The following KIF4A variants were observed in gnomAD, a reference collection of about 807,000 sequenced individuals.
The protein encoded by KIF4A is kinesin family member 4A.
Under a neutral mutation model 105.9 loss-of-function variants are expected in KIF4A, and 7 were observed. The observed-to-expected ratio is 0.07, with a 90% CI of 0.04 to 0.12. The LOEUF (loss-of-function observed/expected upper bound fraction) is 0.12, where lower values mean the gene tolerates loss of function less well. Ranked by LOEUF, KIF4A falls within the 10% of genes least tolerant of loss-of-function variation. KIF4A has a pLI of 1.00. For missense variants in KIF4A, 558 were observed against 929.2 expected (o/e 0.60, Z 5.19); for synonymous variants, 281 against 331.3 (o/e 0.85, Z 1.65).
intron 22 of KIF4A, 107 bp downstream of exon 22, chrX:70,396,156 G>A: frequency 1.5e-5 from 8 of 537,253 alleles, no homozygotes; most frequent in Non-Finnish European, 2.3e-5. Flanking sequence ...AAAAACACGA[G>A]AAAATAACAA....
chrX:70,313,719 TG>T (rs1193009020), intron 7 of KIF4A, among the ~76,000 whole-genome samples: 1 of 112,576 alleles, frequency 8.9e-6, no homozygotes, highest in African/African-American at 3.2e-5. Context: ...TTGTGGTTTC[TG>T]ATCCACCAGT....
At chrX:70,412,139 AACT>A (rs1013019631) in intron 28 of KIF4A, among the ~76,000 whole-genome samples, 1 of 111,789 alleles carries the variant, frequency 8.9e-6, no homozygotes, top group Non-Finnish European at 1.9e-5. Flanking sequence ...GCATTCACGC[AACT>A]ACATCTGTCA....
chrX:70,344,904 G>A (rs189408409), intron 13 of KIF4A, among the ~76,000 whole-genome samples: 13 of 111,892 alleles, frequency 1.2e-4, no homozygotes, highest in Admixed American at 3.8e-4. Context: ...TTGTTATGAT[G>A]GCCAGCTCTA....
At position 70,420,198 on chromosome X, in the gene KIF4A, A is replaced by G. The variant is rs752008919; in HGVS notation, c.3632A>G (p.Lys1211Arg). Residue 1211 changes from lysine to arginine, a missense_variant, in exon 31 of 31, where the codon AAA becomes AGA. Lys to Arg is a conservative substitution (Grantham distance 26, BLOSUM62 2). Transcript: ENST00000374403. Reference sequence around the variant, plus strand: ...AACAAGGCTCCAGGGAAGAAAAAGAAACGGGCTCTGGCCAGCAACACCAGC... The same window carrying G: ...AACAAGGCTCCAGGGAAGAAAAAGAGACGGGCTCTGGCCAGCAACACCAGC... Reference protein sequence around the residue: ...QENKAPGKKKKRALASNTSFF... With the variant: ...QENKAPGKKKRRALASNTSFF... 5.8e-6 allele frequency: 7 copies of G among 1,211,149 alleles called. No homozygotes were observed. The highest frequency in any genetic ancestry group is 7.8e-6 in the Non-Finnish European group (7 of 895,435).
rs373403658 is a variant in KIF4A at position 70,374,292 on chromosome X, A to G, written c.1778+38A>G. 14 of 909,617 alleles carry G rather than the reference A, an allele frequency of 1.5e-5. No individual in the cohort carries two copies. The African/African-American group carries it at 1.6e-4, about 10-fold the overall frequency. 75.0% of individuals were successfully genotyped at this position (909,617 alleles called of 1,213,427 possible). On this transcript the variant is annotated intron_variant, in intron 16 of 30. Coordinates refer to ENST00000374403, the MANE Select transcript of KIF4A (RefSeq NM_012310.5). Reference sequence around the variant, plus strand: ...TTAATAAATGTTATTTCAAGTCCCTACTATGTGTGAGGAGCTTTGCAAGAA... The same window carrying G: ...TTAATAAATGTTATTTCAAGTCCCTGCTATGTGTGAGGAGCTTTGCAAGAA...
chrX:70,355,269 G>T (rs1275034049), intron 15 of KIF4A, among the ~76,000 whole-genome samples: 1 of 111,659 alleles, frequency 9.0e-6, no homozygotes, highest in Non-Finnish European at 1.9e-5. Flanking sequence ...TATAGGGTTG[G>T]TTTTTGTTGG....
At chrX:70,353,914 G>A in intron 15 of KIF4A, 107 bp downstream of exon 15, 2 of 624,862 alleles carry the variant, frequency 3.2e-6, no homozygotes, top group Non-Finnish European at 4.8e-6. Flanking sequence ...ACAACAAAAT[G>A]TATATAGTAT....
rs774869974 is a variant in KIF4A, at chrX:70,406,917, A to G, written c.3097A>G (p.Lys1033Glu). 5 of 1,211,822 alleles carry G rather than the reference A, an allele frequency of 4.1e-6. No individual in the cohort carries two copies. The highest frequency in any genetic ancestry group is 5.6e-6 in the Non-Finnish European group (5 of 895,563). ...PKPKPSRVKE[K>E]FLEQSMDIED... ...GCCAAAACCTTCTCGTGTTAAAGAAAAGTTCCTGGAGCAAAGCATGGACAT... is the reference window on the plus strand; with the variant it reads ...GCCAAAACCTTCTCGTGTTAAAGAAGAGTTCCTGGAGCAAAGCATGGACAT... The change falls in exon 28 of 31, where the codon AAG (lysine) becomes GAG (glutamate). Residue 1033 changes from lysine (K) to glutamate (E), a missense_variant. Coordinates refer to ENST00000374403, the MANE Select transcript of KIF4A (RefSeq NM_012310.5).
chrX:70,377,797 A>G (rs2086180971), intron 18 of KIF4A, among the ~76,000 whole-genome samples: 1 of 112,157 alleles, frequency 8.9e-6, no homozygotes, highest in African/African-American at 3.2e-5. Context: ...TTAGCCGGGC[A>G]TGGTGGCACA....
At chrX:70,358,037 A>C (rs1736453615) in intron 15 of KIF4A, among the ~76,000 whole-genome samples, 1 of 110,754 alleles carries the variant, frequency 9.0e-6, no homozygotes, top group African/African-American at 3.3e-5. Flanking sequence ...CAGCATCCCA[A>C]GTTGCTGGGA....
chrX:70,418,512 T>C (rs146722773), intron 29 of KIF4A, among the ~76,000 whole-genome samples: 1,617 of 111,423 alleles, frequency 0.015, 25 homozygotes, highest in African/African-American at 0.049. Flanking sequence ...ACCAGGCCTT[T>C]CTAATAGTCA....
intron 7 of KIF4A, among the ~76,000 whole-genome samples, chrX:70,318,759 G>A (rs1456395075): frequency 8.9e-6 from 1 of 111,915 alleles, no homozygotes; most frequent in Non-Finnish European, 1.9e-5. Flanking sequence ...TATCGACCAT[G>A]TGTATTTTCA....
At chrX:70,344,609 AC>A (rs149464645) in intron 13 of KIF4A, among the ~76,000 whole-genome samples, 8 of 107,651 alleles carry the variant, frequency 7.4e-5, no homozygotes, top group South Asian at 3.9e-4. Flanking sequence ...TTTAAAAAAA[AC>A]ATTGAAATCG....
intron 7 of KIF4A, among the ~76,000 whole-genome samples, chrX:70,323,852 G>A (rs866390843): frequency 3.1e-5 from 2 of 64,916 alleles, no homozygotes; most frequent in South Asian, 8.5e-4. Flanking sequence ...TTATTTATTT[G>A]AGACCGAGTC....
chrX:70,392,441 T>A (rs2086240834), intron 20 of KIF4A, among the ~76,000 whole-genome samples: 1 of 111,517 alleles, frequency 9.0e-6, no homozygotes, highest in African/African-American at 3.3e-5. Flanking sequence ...GTCTGTTTCA[T>A]CTAAGTTGTC....
rs772647700 is a variant in KIF4A, at chrX:70,406,309, T to G, written c.3027T>G (p.Asp1009Glu). ...GCAGACAGAAACATCTTCCTAAGGA[T>G]ACCCTTCTATCTCCAGACTCTTCTT... ...VASRQKHLPK[D>E]TLLSPDSSFE... is the part of the protein sequence containing the mutation. Residue 1009 changes from aspartate to glutamate, a missense_variant, in exon 27 of 31, where the codon GAT becomes GAG. This residue lies in a region of KIF4A where 469 missense variants were observed against 680.4 expected (regional missense o/e 0.69). Transcript: ENST00000374403. 34 of 1,207,023 alleles carry G rather than the reference T, an allele frequency of 2.8e-5. No homozygotes were observed. Among genetic ancestry groups the G allele is most frequent in the Non-Finnish European group, 2.2e-6 (2 of 892,604 alleles).
In KIF4A at chrX:70,352,620, G is replaced by A; in HGVS notation, c.1452G>A (p.Met484Ile). 3.3e-6 allele frequency: 4 copies of A among 1,204,865 alleles called. No homozygotes were observed. Among genetic ancestry groups the A allele is most frequent in the Non-Finnish European group, 4.5e-6 (4 of 890,181 alleles). Residue 484 changes from methionine to isoleucine, a missense_variant, in exon 14 of 31, where the codon ATG becomes ATA. This residue lies in a region of KIF4A where 469 missense variants were observed against 680.4 expected (regional missense o/e 0.69). Coordinates refer to ENST00000374403, the MANE Select transcript of KIF4A (RefSeq NM_012310.5). ...TGCAGGATGAAACTGTTGCTTGCAT[G>A]GCTGCAGCCATTGATACTGCGGTGG... The part of the protein sequence containing the change: ...TQLSDETVAC[M>I]AAAIDTAVEQ...
chrX:70,418,426 C>T (rs1264008813), intron 29 of KIF4A, among the ~76,000 whole-genome samples: 2 of 111,653 alleles, frequency 1.8e-5, no homozygotes, highest in East Asian at 2.8e-4. Context: ...TTTGACATCT[C>T]GAGACATTCG....
intron 20 of KIF4A, among the ~76,000 whole-genome samples, chrX:70,394,911 A>G (rs1216236429): frequency 8.9e-6 from 1 of 112,182 alleles, no homozygotes; most frequent in African/African-American, 3.2e-5. Context: ...GTATACCTTC[A>G]TTAAAAGCAG....
Sources: allele counts gnomAD v4.1 joint callset (sites outside exome capture counted in the v4.1 genomes callset), GRCh38; gene constraint gnomAD v4.1.1; regional missense constraint gnomAD v4.1.1; transcripts MANE v1.5; gene names NCBI Gene and HGNC (gene_info 2026-07-23, HGNC 2026-07-21).